Variants in SIPA1L2 observed in about 807,000 individuals in gnomAD.
The protein encoded by SIPA1L2 is signal-induced proliferation-associated 1-like protein 2.
Under a neutral mutation model 163.9 loss-of-function variants are expected in SIPA1L2, and 56 were observed. That is an observed-to-expected ratio of 0.34 (90% CI 0.28 to 0.43). The LOEUF (loss-of-function observed/expected upper bound fraction) is 0.43, where lower values mean the gene tolerates loss of function less well. Ranked by LOEUF, SIPA1L2 falls within the 20% of genes least tolerant of loss-of-function variation. The pLI is 1.00. For missense variants in SIPA1L2, 1,974 were observed against 2,193.5 expected (o/e 0.90, Z 2.00); for synonymous variants, 877 against 865.7 (o/e 1.01, Z -0.23).
chr1:232,605,390 G>C (rs1053591878), intron 1 of SIPA1L2, among the ~76,000 whole-genome samples: 1 of 152,168 alleles, frequency 6.6e-6, no homozygotes, highest in Non-Finnish European at 1.5e-5. Context: ...GTGTTCAAAA[G>C]ACACTGAATA....
chr1:232,455,485 T>A (rs1204607641), intron 10 of SIPA1L2, among the ~76,000 whole-genome samples: 2 of 151,972 alleles, frequency 1.3e-5, no homozygotes, highest in African/African-American at 4.8e-5. Context: ...ATCGAGACCA[T>A]CCTGGCTAAC....
At chr1:232,621,874 T>C (rs905772315) in intron 1 of SIPA1L2, among the ~76,000 whole-genome samples, 5 of 151,904 alleles carry the variant, frequency 3.3e-5, no homozygotes, top group Non-Finnish European at 7.4e-5. Flanking sequence ...GGTCGACAGG[T>C]GTGCACCACC....
chr1:232,499,588 C>T (rs775883197), intron 3 of SIPA1L2, among the ~76,000 whole-genome samples: 4 of 152,212 alleles, frequency 2.6e-5, no homozygotes, highest in African/African-American at 9.7e-5. Context: ...GCTATCTCCA[C>T]GCGGTAAGTG....
chr1:232,423,250 C>T (rs776256725), intron 18 of SIPA1L2, among the ~76,000 whole-genome samples: 7 of 152,194 alleles, frequency 4.6e-5, no homozygotes, highest in Non-Finnish European at 5.9e-5. Flanking sequence ...TCGCCATATA[C>T]GTGGTCAACT....
In SIPA1L2 at chr1:232,471,495, CG is replaced by C; in HGVS notation, c.2118del (p.Ile706MetfsTer29). On this transcript the variant is annotated frameshift_variant, in exon 8 of 23. Transcript: ENST00000674635. LOFTEE classifies it high-confidence loss of function. Reference sequence around the variant, plus strand: ...CCAGGCTCCTGGAAGACGATGGTGACGATGTCATTTCCTATGTGCCTTTTCC... The same window carrying C: ...CCAGGCTCCTGGAAGACGATGGTGACATGTCATTTCCTATGTGCCTTTTCC... ...LLRKRHIGND[I>X]VTIVFQEPGA... 1 of 1,613,860 alleles carries C rather than the reference CG, an allele frequency of 6.2e-7. No individual in the cohort carries two copies. Among genetic ancestry groups the C allele is most frequent in the Non-Finnish European group, 8.5e-7 (1 of 1,179,908 alleles).
intron 5 of SIPA1L2, among the ~76,000 whole-genome samples, chr1:232,486,461 G>T (rs1285857732): frequency 6.6e-6 from 1 of 152,130 alleles, no homozygotes; most frequent in African/African-American, 2.4e-5. Flanking sequence ...TGGGCCCATG[G>T]GAATCAGTGG....
intron 6 of SIPA1L2, among the ~76,000 whole-genome samples, chr1:232,482,285 T>C (rs1171603219): frequency 2.6e-5 from 4 of 152,200 alleles, no homozygotes; most frequent in Non-Finnish European, 5.9e-5. Context: ...TCAGAAATTC[T>C]TTAAATGTTT....
intron 13 of SIPA1L2, 88 bp from the exon 14 acceptor site, chr1:232,441,482 G>C: frequency 7.3e-6 from 8 of 1,101,464 alleles, no homozygotes; most frequent in Non-Finnish European, 1.1e-5. Context: ...AAGTGGTTTG[G>C]TAAACATGAA....
At chr1:232,447,056 T>C (rs1232285496) in intron 10 of SIPA1L2, among the ~76,000 whole-genome samples, 1 of 152,224 alleles carries the variant, frequency 6.6e-6, no homozygotes, top group Non-Finnish European at 1.5e-5. Context: ...AGGATAAAAT[T>C]TAGCATCTGA....
At chr1:232,539,311 T>C (rs1657500560) in intron 2 of SIPA1L2, among the ~76,000 whole-genome samples, 1 of 152,192 alleles carries the variant, frequency 6.6e-6, no homozygotes, top group Non-Finnish European at 1.5e-5. Context: ...TCCTTCCTAC[T>C]ACTTACAACT....
chr1:232,471,929 G>C (rs921075251), intron 7 of SIPA1L2, among the ~76,000 whole-genome samples: 3 of 152,136 alleles, frequency 2.0e-5, no homozygotes, highest in African/African-American at 7.2e-5. Context: ...TCACACCGGC[G>C]GGCTTCAGCT....
At chr1:232,557,087 T>C (rs1658756036) in intron 2 of SIPA1L2, among the ~76,000 whole-genome samples, 1 of 152,186 alleles carries the variant, frequency 6.6e-6, no homozygotes, top group African/African-American at 2.4e-5. Flanking sequence ...AATAAAATAC[T>C]GATAGGAGGT....
intron 1 of SIPA1L2, among the ~76,000 whole-genome samples, chr1:232,622,835 G>T (rs921426914): frequency 6.6e-6 from 1 of 152,196 alleles, no homozygotes; most frequent in Non-Finnish European, 1.5e-5. Flanking sequence ...TAGAAATAAT[G>T]ATTAGAACTT....
chr1:232,496,956 A>T (rs1666225277), intron 3 of SIPA1L2, among the ~76,000 whole-genome samples: 1 of 152,264 alleles, frequency 6.6e-6, no homozygotes, highest in African/African-American at 2.4e-5. Flanking sequence ...CCATAACAAG[A>T]TCCAAAAGAA....
chr1:232,547,443 C>T (rs771256930), intron 2 of SIPA1L2, among the ~76,000 whole-genome samples: 44 of 151,720 alleles, frequency 2.9e-4, no homozygotes, highest in Non-Finnish European at 5.3e-4. Context: ...TCACAGGTTT[C>T]ATTCTATTCA....
chr1:232,544,546 C>T (rs1186864562), intron 2 of SIPA1L2, among the ~76,000 whole-genome samples: 1 of 129,720 alleles, frequency 7.7e-6, no homozygotes, highest in African/African-American at 3.0e-5. Context: ...GGCGACAGAG[C>T]GAGACTCCTG....
chr1:232,449,421 G>C (rs956375517), intron 10 of SIPA1L2, among the ~76,000 whole-genome samples: 1 of 151,814 alleles, frequency 6.6e-6, no homozygotes, highest in Non-Finnish European at 1.5e-5. Flanking sequence ...GGGAGGCTGA[G>C]GCAGGAGAAT....
intron 19 of SIPA1L2, 53 bp from the exon 20 acceptor site, chr1:232,404,231 A>G: frequency 6.4e-7 from 1 of 1,565,262 alleles, no homozygotes; most frequent in Non-Finnish European, 8.8e-7. Flanking sequence ...TCTATACTTG[A>G]GAATCTCGGG....
chr1:232,591,902 T>TA (rs1449738202), intron 1 of SIPA1L2, among the ~76,000 whole-genome samples: 1 of 152,092 alleles, frequency 6.6e-6, no homozygotes, highest in East Asian at 1.9e-4. Flanking sequence ...GACTCTTGCT[T>TA]AAAAAAATAA....
Sources: gnomAD v4.1 joint callset for allele counts (sites outside exome capture counted in the v4.1 genomes callset) on GRCh38, gnomAD v4.1.1 for gene constraint, MANE v1.5 for transcripts, NCBI Gene and HGNC (gene_info 2026-07-23, HGNC 2026-07-21) for gene names.